Variants in HECTD4 observed in about 807,000 individuals in gnomAD.
HECTD4 encodes the protein probable E3 ubiquitin-protein ligase HECTD4.
Under a neutral mutation model 471.5 loss-of-function variants are expected in HECTD4, and 114 were observed. The observed-to-expected ratio is 0.24, with a 90% CI of 0.21 to 0.28. The LOEUF (loss-of-function observed/expected upper bound fraction) is 0.28. Among genes scored for constraint, HECTD4 ranks in the 10% least tolerant of loss-of-function variants. The pLI, the probability that HECTD4 is intolerant of heterozygous loss-of-function variation, is 1.00. For missense variants in HECTD4, 3,866 were observed against 5,651.5 expected (o/e 0.68, Z 10.13); for synonymous variants, 2,012 against 2,256.0 (o/e 0.89, Z 3.07).
chr12:112,310,895 T>C (rs2035356610), intron 4 of HECTD4, among the ~76,000 whole-genome samples: 1 of 152,204 alleles, frequency 6.6e-6, no homozygotes, highest in African/African-American at 2.4e-5. Context: ...TTGTTGAAGC[T>C]GAGTGATGAG....
At chr12:112,207,816 C>A in intron 52 of HECTD4, 58 bp downstream of exon 52, 2 of 1,579,044 alleles carry the variant, frequency 1.3e-6, no homozygotes, top group South Asian at 1.1e-5. Flanking sequence ...TGATTTTCAT[C>A]CAGCTCCTCA....
At position 112,326,667 on chromosome 12, in the gene HECTD4, C is replaced by CA. The variant is rs199933327; in HGVS notation, c.178-6926dup. Among the ~76,000 whole-genome samples, 17 of 152,168 alleles carry CA rather than the reference C, an allele frequency of 1.1e-4. 1 individual carries two copies. The East Asian group carries it at 3.3e-3, about 29-fold the overall frequency. ...AAGTAAGTGTAGGAGTGAGGATAGG[C>CA]ATATAGACGCTTTTGAAGTTGTAGA... On this transcript the variant is annotated intron_variant, in intron 1 of 75. Transcript: ENST00000682272.
intron 62 of HECTD4, among the ~76,000 whole-genome samples, chr12:112,180,363 T>TA (rs1253877469): frequency 6.6e-6 from 1 of 151,760 alleles, no homozygotes; most frequent in East Asian, 1.9e-4. Context: ...GCCTGGGCAA[T>TA]ATGGTGAAGC....
intron 47 of HECTD4, 126 bp from the exon 48 acceptor site, chr12:112,216,497 T>TATAATATTATAGTA (rs1347947727): frequency 4.3e-6 from 3 of 695,622 alleles, no homozygotes; most frequent in Non-Finnish European, 7.5e-6. Flanking sequence ...ATAGTATCAC[T>TATAATATTATAGTA]TTAGTATTAA....
intron 37 of HECTD4, among the ~76,000 whole-genome samples, chr12:112,233,632 T>C (rs2033436182): frequency 6.6e-6 from 1 of 152,178 alleles, no homozygotes; most frequent in African/African-American, 2.4e-5. Flanking sequence ...ACAGCGTTTT[T>C]AGAGTTGTAA....
At chr12:112,317,011 A>G (rs1342493170) in intron 2 of HECTD4, among the ~76,000 whole-genome samples, 1 of 152,244 alleles carries the variant, frequency 6.6e-6, no homozygotes, top group Non-Finnish European at 1.5e-5. Flanking sequence ...GAGTTTTATG[A>G]ACCAACAATT....
intron 1 of HECTD4, among the ~76,000 whole-genome samples, chr12:112,320,359 G>A (rs1165378876): frequency 6.6e-6 from 1 of 151,158 alleles, no homozygotes; most frequent in Non-Finnish European, 1.5e-5. Context: ...AAAAAAAAAG[G>A]AAAAAAATTG....
rs369482526 is a variant in HECTD4 at position 112,283,275 on chromosome 12, G to C, written c.1363C>G (p.Pro455Ala). Residue 455 changes from proline to alanine, a missense_variant, in exon 8 of 76, where the codon CCA becomes GCA. This residue lies in a region of HECTD4 where 440 missense variants were observed against 636.0 expected (regional missense o/e 0.69). Transcript: ENST00000682272. The part of the protein sequence containing the change: ...VVENGVFVAN[P>A]LQERTILMRK... ...ATTAGAATTGTACGTTCCTGAAGTG[G>C]GTTGGCTACAAATACACCATTTTCA... 6.2e-7 allele frequency: 1 copy of C among 1,612,186 alleles called. No homozygotes were observed. Among genetic ancestry groups the C allele is most frequent in the Non-Finnish European group, 8.5e-7 (1 of 1,179,046 alleles).
rs1284697221 is a variant in HECTD4, at chr12:112,184,443, G to A, written c.10523C>T (p.Ser3508Phe). 1 of 1,606,330 alleles carries A rather than the reference G, an allele frequency of 6.2e-7. No homozygotes were observed. The highest frequency in any genetic ancestry group is 1.1e-5 in the South Asian group (1 of 90,756). ...GAGGCCGGCAGGCAGCGGATCCACA[G>A]AGAGGTCGCTGACGGTTTGGGAGAT... is the stretch of plus-strand genomic sequence containing the variant. ...QGISQTVSDL[S>F]VDPLPAGLEL... The change falls in exon 61 of 76, where the codon TCT (serine) becomes TTT (phenylalanine). Residue 3508 changes from serine (S) to phenylalanine (F), a missense_variant. This residue lies in a region of HECTD4 where 192 missense variants were observed against 189.9 expected (regional missense o/e 1.01). Coordinates refer to ENST00000682272, the MANE Select transcript of HECTD4 (RefSeq NM_001388303.1). The surrounding 1 kb of genome is among the most constrained non-coding windows in gnomAD (Gnocchi z 9.1).
chr12:112,354,104 G>A (rs553247526), intron 1 of HECTD4, among the ~76,000 whole-genome samples: 2 of 152,008 alleles, frequency 1.3e-5, no homozygotes, highest in South Asian at 2.1e-4. Context: ...ATAGGGTCTC[G>A]CTCTGTTGTC....
chr12:112,226,388 G>C (rs148770580), intron 44 of HECTD4: 1 of 332,794 alleles, frequency 3.0e-6, no homozygotes, highest in Non-Finnish European at 5.4e-6. Flanking sequence ...AAATCAATAG[G>C]AATGAAGAAA....
chr12:112,172,947 T>C, intron 66 of HECTD4, 86 bp from the exon 67 acceptor site: 1 of 1,201,624 alleles, frequency 8.3e-7, no homozygotes, highest in South Asian at 1.3e-5. Flanking sequence ...AGCCCTGTCC[T>C]CAGCTCCTGG....
chr12:112,185,472 T>C lies in HECTD4; in HGVS notation c.9494A>G (p.Asp3165Gly). ...AAGCTCCTTCACGCAGGCTGCCATGTCCGTGGTCCACAAGAAGTTTCCTGA... is the reference window on the plus strand; with the variant it reads ...AAGCTCCTTCACGCAGGCTGCCATGCCCGTGGTCCACAAGAAGTTTCCTGA... ...ELLGNFLWTTDMAACVKELVF... is the reference protein window; with the variant it reads ...ELLGNFLWTTGMAACVKELVF... Residue 3165 changes from aspartate (D) to glycine (G), a missense_variant, in exon 61 of 76, where the codon GAC becomes GGC. Physicochemically the swap from Asp to Gly is moderately conservative, Grantham distance 94. Around this residue, in one of 16 missense-constraint regions of HECTD4, gnomAD observed 364 missense variants for 413.2 expected, o/e 0.88. Transcript: ENST00000682272. The C allele has an allele frequency of 6.4e-7, 1 of 1,556,808 alleles. No homozygotes were observed. Among genetic ancestry groups the C allele is most frequent in the Non-Finnish European group, 8.7e-7 (1 of 1,149,500 alleles).
intron 1 of HECTD4, among the ~76,000 whole-genome samples, chr12:112,328,811 T>C (rs2035795467): frequency 6.6e-6 from 1 of 152,218 alleles, no homozygotes; most frequent in Non-Finnish European, 1.5e-5. Flanking sequence ...AACGAGGATA[T>C]TAAATTTCCA....
At chr12:112,283,507 A>C (rs948333474) in intron 7 of HECTD4, among the ~76,000 whole-genome samples, 8 of 152,230 alleles carry the variant, frequency 5.3e-5, no homozygotes, top group Admixed American at 6.5e-5. Flanking sequence ...ACTTTTCATA[A>C]TAGCTATAAT....
chr12:112,332,230 A>G (rs556771691), intron 1 of HECTD4, among the ~76,000 whole-genome samples: 3 of 152,048 alleles, frequency 2.0e-5, no homozygotes, highest in Non-Finnish European at 4.4e-5. Flanking sequence ...GGATGTGCTC[A>G]CTTTATATAA....
chr12:112,332,767 A>G (rs897761911), intron 1 of HECTD4, among the ~76,000 whole-genome samples: 1 of 151,514 alleles, frequency 6.6e-6, no homozygotes, highest in Non-Finnish European at 1.5e-5. Context: ...AGTATAATAC[A>G]TTCACATTTC....
intron 69 of HECTD4, chr12:112,169,869 G>T (rs1281551713): frequency 4.8e-6 from 3 of 623,654 alleles, no homozygotes; most frequent in Non-Finnish European, 5.7e-6. Flanking sequence ...TGCCCTCCTG[G>T]GCCCCCAGTG....
intron 4 of HECTD4, 73 bp downstream of exon 4, chr12:112,312,944 A>G (rs1594035177): frequency 1.6e-6 from 2 of 1,248,806 alleles, no homozygotes; most frequent in East Asian, 5.1e-5. Flanking sequence ...TAGCCATATC[A>G]TTTGCTACAG....
Sources: allele counts gnomAD v4.1 joint callset (sites outside exome capture counted in the v4.1 genomes callset), GRCh38; gene constraint gnomAD v4.1.1; regional missense constraint gnomAD v4.1.1; non-coding constraint Gnocchi (gnomAD v3.1); transcripts MANE v1.5; gene names NCBI Gene and HGNC (gene_info 2026-07-23, HGNC 2026-07-21).